The following NPHS1 variants were observed in gnomAD, a reference collection of about 807,000 sequenced individuals.
NPHS1 encodes nephrin.
NPHS1 carries 107 observed loss-of-function variants against 139.7 expected under a neutral mutation model. The ratio of observed to expected loss-of-function variants is 0.77; its 90% CI spans 0.66 to 0.90. NPHS1 has a LOEUF of 0.90. Among genes scored for constraint, NPHS1 ranks in the 40% least tolerant of loss-of-function variants. The pLI is 0.00. For synonymous variants in NPHS1, 707 were observed against 706.6 expected (o/e 1.00, Z -0.01); for missense variants, 1,580 against 1,654.2 (o/e 0.96, Z 0.78).
chr19:35,846,266 G>T, intron 11 of NPHS1, 72 bp from the exon 12 acceptor site: 2 of 1,489,410 alleles, frequency 1.3e-6, no homozygotes, highest in Non-Finnish European at 1.8e-6. Flanking sequence ...CCCCTACCCT[G>T]CCCACTGGGT....
At chr19:35,850,666 C>T (rs1973228511) in intron 4 of NPHS1, among the ~76,000 whole-genome samples, 2 of 152,134 alleles carry the variant, frequency 1.3e-5, no homozygotes, top group South Asian at 4.1e-4. Context: ...TTCTCAACTC[C>T]TTGCTGGGTT....
intron 20 of NPHS1, among the ~76,000 whole-genome samples, chr19:35,841,403 A>AACAACAACAAC (rs1568452897): frequency 6.6e-6 from 1 of 151,622 alleles, no homozygotes; most frequent in African/African-American, 2.4e-5. Context: ...ACAACAACAA[A>AACAACAACAAC]AAGAATGGAG....
chr19:35,842,617 C>G, intron 17 of NPHS1, 67 bp from the exon 18 acceptor site: 1 of 1,522,714 alleles, frequency 6.6e-7, no homozygotes, highest in Admixed American at 1.7e-5. Context: ...CCCAAATTGT[C>G]CCTTCTGTAG....
rs143278868 is a variant in NPHS1, at chr19:35,845,261, AAGAGAG to A, written c.1930+101_1930+106del. On this transcript the variant is annotated intron_variant, in intron 14 of 28. Transcript: ENST00000378910. The surrounding 1 kb of genome is among the most constrained non-coding windows in gnomAD (Gnocchi z 5.5). ...TTGCAGCCTGAGCGACAAAAAATGA[AAGAGAG>A]AGAGAGAGAGAAGAGAAAAAGAAGG... 4.0e-6 allele frequency: 5 copies of A among 1,252,838 alleles called. No homozygotes were observed. The highest frequency in any genetic ancestry group is 2.5e-5 in the East Asian group (1 of 39,876). 77.6% of individuals were successfully genotyped at this position (1,252,838 alleles called of 1,614,324 possible).
rs779334665 is a variant in NPHS1, at chr19:35,830,847, C to G, written c.3591G>C (p.Gln1197His). 15 of 1,584,052 alleles carry G rather than the reference C, an allele frequency of 9.5e-6. No homozygotes were observed. The East Asian group carries it at 3.4e-4, about 35-fold the overall frequency. The stretch of plus-strand genomic sequence containing the variant: ...TTGCTGATGCAAAGCTTCTCACCAT[C>G]TGCACTTCATCGTAGAGGGGTCCCC... ...GAWGPLYDEV[Q>H]MGPWDLHWPE... The change falls in exon 28 of 29, where the codon CAG (glutamine) becomes CAC (histidine). Residue 1197 changes from glutamine (Q) to histidine (H), a missense_variant. By Grantham distance (24) the Gln-to-His change is conservative (BLOSUM62 0). Coordinates refer to ENST00000378910, the MANE Select transcript of NPHS1 (RefSeq NM_004646.4).
At chr19:35,830,764 G>A (rs973990763) in intron 28 of NPHS1, 80 bp downstream of exon 28, 1 of 881,196 alleles carries the variant, frequency 1.1e-6, no homozygotes, top group Non-Finnish European at 2.0e-6. Context: ...GCAGCTAGCT[G>A]GCCCTAACTA....
intron 28 of NPHS1, among the ~76,000 whole-genome samples, chr19:35,829,594 A>T (rs1033052908): frequency 2.0e-5 from 3 of 151,662 alleles, no homozygotes; most frequent in African/African-American, 7.3e-5. Flanking sequence ...GCTGGAGTGC[A>T]GTGGCATGAT....
Position 35,839,339 on chromosome 19 carries a change from G to A in NPHS1, c.3007C>T (p.Leu1003=), listed in dbSNP as rs1181480868. Residue 1003 remains leucine (L), a synonymous_variant, in exon 22 of 29, where the codon CTA becomes TTA. Transcript: ENST00000378910. Reference sequence around the variant, plus strand: ...ACCCTGTATCTTGTAGAAGGCTGTAGACCAGTCAGCGTGAAGGTGGTGGCC... The same window carrying A: ...ACCCTGTATCTTGTAGAAGGCTGTAAACCAGTCAGCGTGAAGGTGGTGGCC... The part of the protein sequence containing the change: ...PQATTFTLTG[L]QPSTRYRVWL... 6.2e-7 allele frequency: 1 copy of A among 1,614,064 alleles called. No homozygotes were observed. The highest frequency in any genetic ancestry group is 1.3e-5 in the African/African-American group (1 of 74,914).
At chr19:35,844,048 C>T (rs1401562522) in intron 16 of NPHS1, 55 bp downstream of exon 16, 2 of 1,591,616 alleles carry the variant, frequency 1.3e-6, no homozygotes, top group Non-Finnish European at 1.7e-6. Context: ...GAGGAGACTC[C>T]ACAATGGGCA....
At chr19:35,843,874 G>A in intron 16 of NPHS1, 7 of 678,256 alleles carry the variant, frequency 1.0e-5, no homozygotes, top group Non-Finnish European at 1.5e-5. Context: ...GACGGGAGCA[G>A]CTTCCGTGTC....
intron 22 of NPHS1, among the ~76,000 whole-genome samples, chr19:35,838,519 C>G (rs1479507147): frequency 1.3e-5 from 2 of 152,128 alleles, no homozygotes; most frequent in Non-Finnish European, 2.9e-5. Flanking sequence ...TGCCACTGCA[C>G]TCCAGCCTGG....
chr19:35,849,497 C>G, intron 6 of NPHS1, 53 bp downstream of exon 6: 1 of 1,594,496 alleles, frequency 6.3e-7, no homozygotes. Context: ...CCCACACCCC[C>G]CAGTGCCTGC....
chr19:35,848,053 G>A lies in NPHS1; in HGVS notation c.1428C>T (p.Leu476=). The change falls in exon 11 of 29, where the codon CTC becomes CTT. Residue 476 remains leucine (L), a synonymous_variant. Transcript: ENST00000378910. ...LAIGGNPEPS[L]MWYKDSRTVT... ...GCGTGGCACCAACCTTGTACCACAT[G>A]AGGGAGGGCTCTGGGTTGCCCCCGA... The A allele has an allele frequency of 6.2e-7, 1 of 1,613,840 alleles. No homozygotes were observed. The highest frequency in any genetic ancestry group is 8.5e-7 in the Non-Finnish European group (1 of 1,180,032).
intron 14 of NPHS1, among the ~76,000 whole-genome samples, chr19:35,844,746 G>A (rs1159595767): frequency 1.3e-5 from 2 of 152,306 alleles, no homozygotes; most frequent in East Asian, 3.9e-4. Flanking sequence ...AGGCAGGATA[G>A]GAGTTGGCCC....
In NPHS1 at chr19:35,842,207, G is replaced by A. The variant is rs545068152; in HGVS notation, c.2580C>T (p.Thr860=). The A allele has an allele frequency of 1.1e-5, 18 of 1,612,828 alleles. No individual in the cohort carries two copies. Among genetic ancestry groups the A allele is most frequent in the Admixed American group, 1.7e-5 (1 of 59,730 alleles). Residue 860 remains threonine (T), a synonymous_variant, in exon 19 of 29, where the codon ACC becomes ACT. Transcript: ENST00000378910. ...AAAGDSTSSA[T]LHCRARGVPN... ...GGACACCTCGGGCACGGCAGTGGAGGGTGGCAGAACTGGTGCTGTCTCCAG... is the reference window on the plus strand; with the variant it reads ...GGACACCTCGGGCACGGCAGTGGAGAGTGGCAGAACTGGTGCTGTCTCCAG...
At chr19:35,847,927 C>T in intron 11 of NPHS1, 114 bp downstream of exon 11, 1 of 1,179,676 alleles carries the variant, frequency 8.5e-7, no homozygotes, top group Non-Finnish European at 1.2e-6. Flanking sequence ...ATCTTTAGTA[C>T]TTTTCAAGAA....
intron 5 of NPHS1, 23 bp from the exon 6 acceptor site, chr19:35,849,676 T>C (rs761915058): frequency 8.3e-6 from 13 of 1,567,272 alleles, no homozygotes; most frequent in African/African-American, 1.4e-5. Flanking sequence ...GTCAGGGTTA[T>C]AGAGTCAGAG....
chr19:35,836,046 G>A (rs1972954322), intron 22 of NPHS1, among the ~76,000 whole-genome samples: 1 of 145,938 alleles, frequency 6.9e-6, no homozygotes, highest in African/African-American at 2.5e-5. Context: ...TGAAACCTCT[G>A]CCTCCCGGGT....
In NPHS1 at chr19:35,843,638, G is replaced by T. The variant is rs1344268811; in HGVS notation, c.2213-45C>A. 3.7e-6 allele frequency: 6 copies of T among 1,607,940 alleles called. No individual in the cohort carries two copies. The Admixed American group carries it at 1.0e-4, about 27-fold the overall frequency. ...TGGGGAAGACACTTGGGCCCAGACA[G>T]GTCTGGGTGTGAGAGGGCCCCAGGT... On this transcript the variant is annotated intron_variant, in intron 16 of 28. Transcript: ENST00000378910.
Sources: gnomAD v4.1 joint callset for allele counts (sites outside exome capture counted in the v4.1 genomes callset) on GRCh38, gnomAD v4.1.1 for gene constraint, Gnocchi (gnomAD v3.1) non-coding constraint, MANE v1.5 for transcripts, NCBI Gene and HGNC (gene_info 2026-07-23, HGNC 2026-07-21) for gene names.